The following KIFC1 variants were observed in gnomAD, a reference collection of about 807,000 sequenced individuals.
KIFC1 encodes kinesin-like protein KIFC1.
In KIFC1, 37 loss-of-function variants were observed where a neutral mutation model predicts 66.6. That is an observed-to-expected ratio of 0.56 (90% CI 0.43 to 0.73). The LOEUF (loss-of-function observed/expected upper bound fraction) is 0.73. Ranked by LOEUF, KIFC1 falls within the 30% of genes least tolerant of loss-of-function variation. The probability of loss-of-function intolerance (pLI) is 0.00; values close to 1 mark genes in which losing one functional copy is unlikely to be tolerated. For synonymous variants in KIFC1, 325 were observed against 343.5 expected (o/e 0.95, Z 0.60); for missense variants, 721 against 859.8 (o/e 0.84, Z 2.02).
At chr6:33,407,004 T>C in intron 10 of KIFC1, 129 bp downstream of exon 10, 1 of 1,456,890 alleles carries the variant, frequency 6.9e-7, no homozygotes, top group Non-Finnish European at 9.1e-7. Context: ...TCTGAGGCAC[T>C]GCTCACCTGG....
At position 33,406,742 on chromosome 6, in the gene KIFC1, A is replaced by G; in HGVS notation, c.1902-58A>G. On this transcript the variant is annotated intron_variant, in intron 9 of 10. Transcript: ENST00000428849. This position sits in a 1 kb window ranked among gnomAD's most constrained non-coding sequence, Gnocchi z 4.5. ...AGGGGTAGAAAGGGGAACAGTGGAG[A>G]CCTGTCCAGGCTCTGCTGGCCCCTA... The G allele has an allele frequency of 6.2e-7, 1 of 1,610,420 alleles. No homozygotes were observed. The highest frequency in any genetic ancestry group is 1.1e-5 in the South Asian group (1 of 91,004).
At chr6:33,409,177 C>CA (rs1386620423) in intron 10 of KIFC1, among the ~76,000 whole-genome samples, 4 of 151,608 alleles carry the variant, frequency 2.6e-5, no homozygotes, top group African/African-American at 4.8e-5. Flanking sequence ...ACAACAACAA[C>CA]AAAAAAAAGA....
chr6:33,406,585 C>T lies in KIFC1; in HGVS notation c.1828-7C>T, dbSNP rs1265574583. The T allele has an allele frequency of 1.9e-6, 3 of 1,613,950 alleles. No individual in the cohort carries two copies. Among genetic ancestry groups the T allele is most frequent in the Non-Finnish European group, 2.5e-6 (3 of 1,179,970 alleles). Reference sequence around the variant, plus strand: ...CCTAAACATCTGTCCCCACCTCAATCATCTAGGAGTCCCACGTGCCTTACC... The same window carrying T: ...CCTAAACATCTGTCCCCACCTCAATTATCTAGGAGTCCCACGTGCCTTACC... On this transcript the variant is annotated splice_region_variant and splice_polypyrimidine_tract_variant and intron_variant, in intron 8 of 10. Coordinates refer to ENST00000428849, the MANE Select transcript of KIFC1 (RefSeq NM_002263.4). This position sits in a 1 kb window ranked among gnomAD's most constrained non-coding sequence, Gnocchi z 4.5.
chr6:33,405,793 A>G lies in KIFC1; in HGVS notation c.1536+162A>G, dbSNP rs1775617549. Among the ~76,000 whole-genome samples the G allele has an allele frequency of 6.6e-6, 1 of 152,166 alleles. No homozygotes were observed. The highest frequency in any genetic ancestry group is 2.4e-5 in the African/African-American group (1 of 41,434). On this transcript the variant is annotated intron_variant, in intron 7 of 10. Transcript: ENST00000428849. The surrounding 1 kb of genome is among the most constrained non-coding windows in gnomAD (Gnocchi z 5.4). ...GTTTTGGCCTGTGGGCTGTCGGTAG[A>G]TCTGCCTTAACCTGGGAGTGGCGAG...
rs986342330 is a variant in KIFC1 at position 33,400,599 on chromosome 6, C to T, written c.250+2212C>T. 4.1e-5 allele frequency: 44 copies of T among 1,061,094 alleles called. No homozygotes were observed. The highest frequency in any genetic ancestry group is 1.3e-5 in the Non-Finnish European group (9 of 706,212). 65.7% of individuals were successfully genotyped at this position (1,061,094 alleles called of 1,614,324 possible). A position where few individuals can be genotyped will look rare whatever the true frequency, so the allele number is the denominator to read the frequency against. On this transcript the variant is annotated intron_variant, in intron 3 of 10. Transcript: ENST00000428849. This position sits in a 1 kb window ranked among gnomAD's most constrained non-coding sequence, Gnocchi z 4.3. Reference sequence around the variant, plus strand: ...TCGGATGAACCCAGATTCAGGATGACCGAAGAAAGTTGCACCTTGGCCTCC... The same window carrying T: ...TCGGATGAACCCAGATTCAGGATGATCGAAGAAAGTTGCACCTTGGCCTCC...
At position 33,400,996 on chromosome 6, in the gene KIFC1, A is replaced by G. The variant is rs1472221458; in HGVS notation, c.251-2318A>G. On this transcript the variant is annotated intron_variant, in intron 3 of 10. Transcript: ENST00000428849. The surrounding 1 kb of genome is among the most constrained non-coding windows in gnomAD (Gnocchi z 4.3). ...TAACAACTGAAAACACAAACATTGT[A>G]TAGCTTTACAGAAATATTTTATTCC... 6.6e-6 allele frequency among the ~76,000 whole-genome samples: 1 copy of G among 152,172 alleles called. No individual in the cohort carries two copies. Among genetic ancestry groups the G allele is most frequent in the African/African-American group, 2.4e-5 (1 of 41,458 alleles).
Position 33,406,712 on chromosome 6 carries a change from G to A in KIFC1, c.1901+47G>A. 1 of 1,612,024 alleles carries A rather than the reference G, an allele frequency of 6.2e-7. No homozygotes were observed. The highest frequency in any genetic ancestry group is 1.3e-5 in the African/African-American group (1 of 74,984). On this transcript the variant is annotated intron_variant, in intron 9 of 10. Transcript: ENST00000428849. The surrounding 1 kb of genome is among the most constrained non-coding windows in gnomAD (Gnocchi z 4.5). The stretch of plus-strand genomic sequence containing the variant: ...AAGGGGTCAGGTAGGAACTGTGTTG[G>A]GGTGAGGGGTAGAAAGGGGAACAGT...
intron 1 of KIFC1, among the ~76,000 whole-genome samples, chr6:33,396,530 T>A (rs1775051409): frequency 6.8e-6 from 1 of 147,856 alleles, no homozygotes; most frequent in Non-Finnish European, 1.5e-5. Context: ...ACTGCAGCCT[T>A]GATCTGGGCC....
rs1775396235 is a variant in KIFC1, at chr6:33,401,954, C to T, written c.251-1360C>T. The stretch of plus-strand genomic sequence containing the variant: ...TCTCCTGACCCCTTGATCTGCCCAC[C>T]TCGGCCTCCCAAAGTGCTGGGATTA... On this transcript the variant is annotated intron_variant, in intron 3 of 10. Transcript: ENST00000428849. The surrounding 1 kb of genome is among the most constrained non-coding windows in gnomAD (Gnocchi z 4.5). 6.6e-6 allele frequency among the ~76,000 whole-genome samples: 1 copy of T among 152,194 alleles called. No homozygotes were observed. The highest frequency in any genetic ancestry group is 1.5e-5 in the Non-Finnish European group (1 of 68,040).
rs1249482644 is a variant in KIFC1, at chr6:33,400,014, G to C, written c.250+1627G>C. Reference sequence around the variant, plus strand: ...AATCTTTTTTTAACTTTTTTTTTTCGACCAGTTGTCAAATGATCCTTTATT... The same window carrying C: ...AATCTTTTTTTAACTTTTTTTTTTCCACCAGTTGTCAAATGATCCTTTATT... On this transcript the variant is annotated intron_variant, in intron 3 of 10. Transcript: ENST00000428849. This position sits in a 1 kb window ranked among gnomAD's most constrained non-coding sequence, Gnocchi z 4.3. 1 of 562,440 alleles carries C rather than the reference G, an allele frequency of 1.8e-6. No individual in the cohort carries two copies. Among genetic ancestry groups the C allele is most frequent in the East Asian group, 2.8e-5 (1 of 35,604 alleles). 34.8% of individuals were successfully genotyped at this position (562,440 alleles called of 1,614,324 possible).
rs756682207 is a variant in KIFC1, at chr6:33,401,651, AAC to A, written c.251-1657_251-1656del. ...TCACTGGAAGATCTTCAGGGGCAGT[AAC>A]ACACATGGAGATGTGACTTCCTGTG... On this transcript the variant is annotated intron_variant, in intron 3 of 10. Transcript: ENST00000428849. This position sits in a 1 kb window ranked among gnomAD's most constrained non-coding sequence, Gnocchi z 4.5. 6.6e-6 allele frequency among the ~76,000 whole-genome samples: 1 copy of A among 151,800 alleles called. No individual in the cohort carries two copies. Among genetic ancestry groups the A allele is most frequent in the East Asian group, 1.9e-4 (1 of 5,180 alleles).
At chr6:33,407,582 T>G (rs1775723167) in intron 10 of KIFC1, among the ~76,000 whole-genome samples, 1 of 152,244 alleles carries the variant, frequency 6.6e-6, no homozygotes, top group African/African-American at 2.4e-5. Context: ...CAAGGCCACG[T>G]TGACTAACTT....
Position 33,401,073 on chromosome 6 carries a change from G to A in KIFC1, c.251-2241G>A, listed in dbSNP as rs1007754562. 2.0e-5 allele frequency among the ~76,000 whole-genome samples: 3 copies of A among 152,042 alleles called. No homozygotes were observed. Among genetic ancestry groups the A allele is most frequent in the African/African-American group, 4.8e-5 (2 of 41,380 alleles). Reference sequence around the variant, plus strand: ...TTTCTATCTAAATTTTGTTTTGGGCGGGGAGCATATATTCAGGGCAATATG... The same window carrying A: ...TTTCTATCTAAATTTTGTTTTGGGCAGGGAGCATATATTCAGGGCAATATG... On this transcript the variant is annotated intron_variant, in intron 3 of 10. Coordinates refer to ENST00000428849, the MANE Select transcript of KIFC1 (RefSeq NM_002263.4). The surrounding 1 kb of genome is among the most constrained non-coding windows in gnomAD (Gnocchi z 4.5).
chr6:33,392,098 T>G, intron 1 of KIFC1, 101 bp downstream of exon 1: 1 of 1,349,508 alleles, frequency 7.4e-7, no homozygotes, highest in Non-Finnish European at 1.0e-6. Context: ...CTTTGTCATG[T>G]CTACCGGGAG....
chr6:33,398,861 G>C (rs889201741), intron 3 of KIFC1, among the ~76,000 whole-genome samples: 2 of 152,152 alleles, frequency 1.3e-5, no homozygotes, highest in Non-Finnish European at 2.9e-5. Context: ...CTGTCCTCCA[G>C]CCACCCAATT....
At chr6:33,394,003 C>T (rs1435719620) in intron 1 of KIFC1, among the ~76,000 whole-genome samples, 2 of 152,272 alleles carry the variant, frequency 1.3e-5, no homozygotes, top group Non-Finnish European at 2.9e-5. Flanking sequence ...ACCTCGGCCT[C>T]CCAAAGTGCT....
chr6:33,408,373 A>T (rs1775751085), intron 10 of KIFC1, among the ~76,000 whole-genome samples: 2 of 152,044 alleles, frequency 1.3e-5, no homozygotes, highest in African/African-American at 4.8e-5. Context: ...TCACTTATTT[A>T]TCATATTTGG....
intron 1 of KIFC1, among the ~76,000 whole-genome samples, chr6:33,396,431 CTTTTCTTTT>C (rs949359075): frequency 4.7e-5 from 6 of 128,186 alleles, no homozygotes; most frequent in African/African-American, 1.9e-4. Context: ...TCTTTCTTTT[CTTTTCTTTT>C]TTTTTTTTTT....
At chr6:33,392,061 C>G in intron 1 of KIFC1, 64 bp downstream of exon 1, 4 of 1,566,502 alleles carry the variant, frequency 2.6e-6, no homozygotes, top group Non-Finnish European at 3.5e-6. Flanking sequence ...CGCTCCGATG[C>G]TGTCGCGCCC....
Sources: gnomAD v4.1 joint callset for allele counts (sites outside exome capture counted in the v4.1 genomes callset) on GRCh38, gnomAD v4.1.1 for gene constraint, Gnocchi (gnomAD v3.1) non-coding constraint, MANE v1.5 for transcripts, NCBI Gene and HGNC (gene_info 2026-07-23, HGNC 2026-07-21) for gene names.